Variants in RBFOX1 observed in about 807,000 individuals in gnomAD.
The protein encoded by RBFOX1 is RNA binding fox-1 homolog 1, also known as RNA binding protein fox-1 homolog 1.
A neutral mutation model predicts 57.7 loss-of-function variants in RBFOX1; 8 were observed. That is an observed-to-expected ratio of 0.14 (90% CI 0.08 to 0.25). The LOEUF is 0.25. RBFOX1 is among the 10% of genes least tolerant of loss of function. The probability of loss-of-function intolerance (pLI) is 1.00; values close to 1 mark genes in which losing one functional copy is unlikely to be tolerated. For missense variants in RBFOX1, 611 were observed against 548.5 expected (o/e 1.11, Z -1.14); for synonymous variants, 326 against 222.4 (o/e 1.47, Z -4.15).
chr16:6,971,930 C>G (rs533638383), intron 3 of RBFOX1, among the ~76,000 whole-genome samples: 26 of 152,100 alleles, frequency 1.7e-4, no homozygotes, highest in African/African-American at 6.3e-4. Context: ...GGAACTGGAC[C>G]GACTTGAGAT....
At chr16:5,458,919 C>A (rs116571245) in intron 1 of RBFOX1, among the ~76,000 whole-genome samples, 1,874 of 152,310 alleles carry the variant, frequency 0.012, 51 homozygotes, top group African/African-American at 0.043. Flanking sequence ...AGTCTTGTGG[C>A]AGAAGCCAAG....
chr16:7,094,460 A>T (rs369741369), intron 4 of RBFOX1, among the ~76,000 whole-genome samples: 1 of 152,070 alleles, frequency 6.6e-6, no homozygotes, highest in Non-Finnish European at 1.5e-5. Context: ...GAGACATGCA[A>T]TGCTATTTCA....
chr16:7,464,969 T>G (rs1024816593), intron 4 of RBFOX1, among the ~76,000 whole-genome samples: 1 of 151,996 alleles, frequency 6.6e-6, no homozygotes, highest in Admixed American at 6.6e-5. Flanking sequence ...AGTGCTGCGA[T>G]TACAGGGATG....
intron 3 of RBFOX1, among the ~76,000 whole-genome samples, chr16:5,745,684 G>C (rs973051101): frequency 1.1e-4 from 17 of 152,294 alleles, no homozygotes; most frequent in Middle Eastern, 3.4e-3. Flanking sequence ...GCATTTCTCT[G>C]ATGGCCAGTG....
chr16:5,547,714 G>T (rs77571283), intron 2 of RBFOX1, among the ~76,000 whole-genome samples: 5 of 152,126 alleles, frequency 3.3e-5, no homozygotes, highest in African/African-American at 7.2e-5. Context: ...CTACACAGCC[G>T]TATCAAAGCA....
intron 4 of RBFOX1, among the ~76,000 whole-genome samples, chr16:7,335,017 C>A (rs55914813): frequency 6.6e-6 from 1 of 152,166 alleles, no homozygotes; most frequent in Admixed American, 6.5e-5. Flanking sequence ...GGAAAGCTAA[C>A]ACACAGAGAG....
intron 1 of RBFOX1, among the ~76,000 whole-genome samples, chr16:6,032,664 AT>A (rs887442893): frequency 3.1e-4 from 46 of 150,528 alleles, no homozygotes; most frequent in East Asian, 3.9e-4. Flanking sequence ...TTGCCATTTG[AT>A]TTTTTTTTTA....
intron 2 of RBFOX1, among the ~76,000 whole-genome samples, chr16:6,347,574 A>T (rs9923906): frequency 0.015 from 2,322 of 152,298 alleles, 48 homozygotes; most frequent in African/African-American, 0.052. Context: ...CATCTTGCAT[A>T]TGCATAGATG....
intron 4 of RBFOX1, among the ~76,000 whole-genome samples, chr16:7,074,147 G>C (rs192107119): frequency 1.8e-4 from 28 of 152,228 alleles, no homozygotes; most frequent in African/African-American, 6.5e-4. Flanking sequence ...CTGATTAGGA[G>C]AAAAAACAGT....
intron 2 of RBFOX1, among the ~76,000 whole-genome samples, chr16:6,433,392 C>A (rs113044095): frequency 8.3e-4 from 127 of 152,336 alleles, no homozygotes; most frequent in African/African-American, 2.9e-3. Context: ...TGTCTTGAAG[C>A]CCCTGACCTG....
At chr16:6,234,002 G>A (rs914060581) in intron 1 of RBFOX1, among the ~76,000 whole-genome samples, 1 of 152,174 alleles carries the variant, frequency 6.6e-6, no homozygotes, top group Non-Finnish European at 1.5e-5. Context: ...CATGTCTGGT[G>A]AGAGCTGCAT....
At chr16:7,683,806 C>T (rs1367497110) in intron 14 of RBFOX1, among the ~76,000 whole-genome samples, 1 of 151,216 alleles carries the variant, frequency 6.6e-6, no homozygotes, top group African/African-American at 2.4e-5. Context: ...TGAGAATATA[C>T]GTGCAAAGCC....
At chr16:6,616,994 G>T (rs34075084) in intron 2 of RBFOX1, among the ~76,000 whole-genome samples, 8,136 of 152,212 alleles carry the variant, frequency 0.053, 279 homozygotes, top group African/African-American at 0.074. Context: ...TCCTGGCTTT[G>T]AAGATACATA....
intron 4 of RBFOX1, among the ~76,000 whole-genome samples, chr16:7,168,797 A>G (rs531411042): frequency 2.0e-5 from 3 of 152,202 alleles, no homozygotes; most frequent in Non-Finnish European, 2.9e-5. Flanking sequence ...AATTTTGCCA[A>G]TAAACTGTTA....
chr16:7,576,955 A>G (rs1008680209), intron 5 of RBFOX1, among the ~76,000 whole-genome samples: 2 of 152,156 alleles, frequency 1.3e-5, no homozygotes, highest in East Asian at 3.9e-4. Flanking sequence ...TAACTTCTGA[A>G]AAGTGACAGT....
At chr16:7,310,803 A>G (rs191097422) in intron 4 of RBFOX1, among the ~76,000 whole-genome samples, 2 of 152,316 alleles carry the variant, frequency 1.3e-5, no homozygotes, top group East Asian at 1.9e-4. Flanking sequence ...TTCCATGTTG[A>G]TGGAACTCCT....
intron 3 of RBFOX1, chr16:5,838,496 A>G (rs1314442357): frequency 6.5e-6 from 1 of 154,816 alleles, no homozygotes; most frequent in Admixed American, 6.5e-5. Context: ...GATGCTGCAG[A>G]TGAGCCGGGA....
intron 4 of RBFOX1, among the ~76,000 whole-genome samples, chr16:7,514,417 C>T (rs1345841443): frequency 2.0e-5 from 3 of 152,124 alleles, no homozygotes; most frequent in Admixed American, 1.3e-4. Flanking sequence ...CACTTTGCAG[C>T]TAGTATGCTG....
intron 3 of RBFOX1, among the ~76,000 whole-genome samples, chr16:6,923,086 A>T (rs1028770816): frequency 6.6e-6 from 1 of 152,216 alleles, no homozygotes; most frequent in African/African-American, 2.4e-5. Context: ...CCCTAAGCCC[A>T]GAAGGCAATG....
Sources: gnomAD v4.1 joint callset for allele counts (sites outside exome capture counted in the v4.1 genomes callset) on GRCh38, gnomAD v4.1.1 for gene constraint, MANE v1.5 for transcripts, NCBI Gene and HGNC (gene_info 2026-07-23, HGNC 2026-07-21) for gene names.